Variants in EPHB6 observed in about 807,000 individuals in gnomAD.
The protein encoded by EPHB6 is EPH receptor B6.
Under a neutral mutation model 107.0 loss-of-function variants are expected in EPHB6, and 51 were observed. That is an observed-to-expected ratio of 0.48 (90% CI 0.38 to 0.60). The LOEUF (loss-of-function observed/expected upper bound fraction) is 0.60. Ranked by LOEUF, EPHB6 falls within the 20% of genes least tolerant of loss-of-function variation. EPHB6 has a pLI of 0.00. For synonymous variants in EPHB6, 553 were observed against 549.0 expected (o/e 1.01, Z -0.10); for missense variants, 1,141 against 1,355.5 (o/e 0.84, Z 2.48).
At position 142,868,582 on chromosome 7, in the gene EPHB6, C is replaced by T. The variant is rs758327970; in HGVS notation, c.2129C>T (p.Ala710Val). 5 of 1,613,410 alleles carry T rather than the reference C, an allele frequency of 3.1e-6. No homozygotes were observed. The highest frequency in any genetic ancestry group is 4.2e-6 in the Non-Finnish European group (5 of 1,179,932). ...ATCCAGGCCCTGTGGGCCGGGGGCG[C>T]CGAAAGCCTGCAGATGACCTTCCTG... is the stretch of plus-strand genomic sequence containing the variant. Reference protein sequence around the residue: ...VAIQALWAGGAESLQMTFLGR... With the variant: ...VAIQALWAGGVESLQMTFLGR... Residue 710 changes from alanine to valine, a missense_variant, in exon 15 of 20, where the codon GCC becomes GTC. By Grantham distance (64) the Ala-to-Val change is moderately conservative. Transcript: ENST00000652003. The surrounding 1 kb of genome is among the most constrained non-coding windows in gnomAD (Gnocchi z 4.2).
chr7:142,856,133 G>A lies in EPHB6; in HGVS notation c.-432+748G>A, dbSNP rs960528829. On this transcript the variant is annotated intron_variant, in intron 1 of 19. Coordinates refer to ENST00000652003, the MANE Select transcript of EPHB6 (RefSeq NM_004445.6). ...AGCGCCCATGGAGCGGAGCTGCTGG[G>A]TCTGTTCCCAGTTAACCCAGGCCCT... Among the ~76,000 whole-genome samples the A allele has an allele frequency of 4.6e-5, 7 of 152,322 alleles. No homozygotes were observed. The South Asian group carries it at 1.2e-3, about 27-fold the overall frequency.
At chr7:142,865,359 G>A in intron 7 of EPHB6, 116 bp from the exon 8 acceptor site, 1 of 1,372,804 alleles carries the variant, frequency 7.3e-7, no homozygotes, top group South Asian at 1.2e-5. Flanking sequence ...TGGAAGAAAA[G>A]GAGAACCAGC....
chr7:142,856,864 T>A (rs8177112), intron 1 of EPHB6, among the ~76,000 whole-genome samples: 7,720 of 152,242 alleles, frequency 0.051, 664 homozygotes, highest in African/African-American at 0.17. Context: ...AGCCCCCATC[T>A]ACACAGACAG....
chr7:142,864,850 G>T (rs1295480343), intron 7 of EPHB6, 101 bp downstream of exon 7: 24 of 1,447,732 alleles, frequency 1.7e-5, no homozygotes, highest in Non-Finnish European at 2.1e-5. Flanking sequence ...TCTGCAAAAG[G>T]TCAGGAATAA....
chr7:142,867,700 G>A lies in EPHB6; in HGVS notation c.1843G>A (p.Val615Met), dbSNP rs759817671. The change falls in exon 12 of 20, where the codon GTG becomes ATG. Residue 615 changes from valine to methionine, a missense_variant. Physicochemically the swap from Val to Met is conservative, Grantham distance 21. Coordinates refer to ENST00000652003, the MANE Select transcript of EPHB6 (RefSeq NM_004445.6). This position sits in a 1 kb window ranked among gnomAD's most constrained non-coding sequence, Gnocchi z 5.3. The stretch of plus-strand genomic sequence containing the variant: ...CTTCCTCCTGCTGGCAGCCATCACC[G>A]TGCTGGCGGTCGTCTTCCAGCGGTG... ...LAFLLLAAIT[V>M]LAVVFQRKRR... 61 of 1,612,526 alleles carry A rather than the reference G, an allele frequency of 3.8e-5. 2 individuals are homozygous for A. The South Asian group carries it at 5.7e-4, about 15-fold the overall frequency.
At chr7:142,859,531 A>G (rs1311680517) in intron 1 of EPHB6, among the ~76,000 whole-genome samples, 1 of 152,230 alleles carries the variant, frequency 6.6e-6, no homozygotes, top group Non-Finnish European at 1.5e-5. Context: ...GTACACCCAT[A>G]TTCTTTTTAT....
chr7:142,856,734 G>A (rs1802627199), intron 1 of EPHB6, among the ~76,000 whole-genome samples: 1 of 152,064 alleles, frequency 6.6e-6, no homozygotes, highest in Admixed American at 6.5e-5. Flanking sequence ...TACCTCCTGG[G>A]GCCAAGAGCA....
At position 142,868,092 on chromosome 7, in the gene EPHB6, G is replaced by A. The variant is rs1032723410; in HGVS notation, c.1918+43G>A. 2.5e-6 allele frequency: 4 copies of A among 1,613,246 alleles called. No homozygotes were observed. In the African/African-American group the frequency reaches 5.3e-5, roughly 22 times the overall value. On this transcript the variant is annotated intron_variant, in intron 13 of 19. Coordinates refer to ENST00000652003, the MANE Select transcript of EPHB6 (RefSeq NM_004445.6). This position sits in a 1 kb window ranked among gnomAD's most constrained non-coding sequence, Gnocchi z 4.2. ...AAATGGGTGGGGCTGGGGAACACAT[G>A]GGTGGGGCACATGGCAGGCAAGGCT...
chr7:142,870,029 A>G (rs1794821972), intron 17 of EPHB6, 63 bp downstream of exon 17: 8 of 1,611,688 alleles, frequency 5.0e-6, no homozygotes, highest in African/African-American at 1.3e-5. Flanking sequence ...GGAACATTCT[A>G]GGACCTCCAT....
intron 5 of EPHB6, 36 bp from the exon 6 acceptor site, chr7:142,863,595 G>C: frequency 6.2e-7 from 1 of 1,608,946 alleles, no homozygotes; most frequent in Non-Finnish European, 8.5e-7. Flanking sequence ...CTGGCTGGAG[G>C]CTTGGCCACT....
intron 8 of EPHB6, 142 bp from the exon 9 acceptor site, chr7:142,865,818 T>G (rs1195983601): frequency 1.2e-6 from 1 of 815,080 alleles, no homozygotes. Flanking sequence ...GCCCACATCC[T>G]GCCTCTCTGG....
rs763472954 is a variant in EPHB6, at chr7:142,870,910, A to G, written c.*6A>G. The stretch of plus-strand genomic sequence containing the variant: ...AGGGCTCAGTGGAGGTCTGAGAATG[A>G]CGATACCCGTGACTCAGCCCTGGAC... On this transcript the variant is annotated 3_prime_UTR_variant, in exon 20 of 20. Coordinates refer to ENST00000652003, the MANE Select transcript of EPHB6 (RefSeq NM_004445.6). 2.5e-6 allele frequency: 4 copies of G among 1,611,134 alleles called. No individual in the cohort carries two copies. Among genetic ancestry groups the G allele is most frequent in the South Asian group, 1.1e-5 (1 of 91,024 alleles).
chr7:142,867,676 T>G lies in EPHB6; in HGVS notation c.1819T>G (p.Phe607Val), dbSNP rs1288023085. Residue 607 changes from phenylalanine (F) to valine (V), a missense_variant, in exon 12 of 20, where the codon TTC becomes GTC. This residue lies in a region of EPHB6 where 616 missense variants were observed against 759.3 expected (regional missense o/e 0.81). Transcript: ENST00000652003. The surrounding 1 kb of genome is among the most constrained non-coding windows in gnomAD (Gnocchi z 5.3). ...CGGCTCCATCCTGGGGGCTTTGGCC[T>G]TCCTCCTGCTGGCAGCCATCACCGT... Reference protein sequence around the residue: ...VIGSILGALAFLLLAAITVLA... With the variant: ...VIGSILGALAVLLLAAITVLA... 3.1e-6 allele frequency: 5 copies of G among 1,613,562 alleles called. No individual in the cohort carries two copies. The highest frequency in any genetic ancestry group is 4.2e-6 in the Non-Finnish European group (5 of 1,179,936).
At position 142,870,903 on chromosome 7, in the gene EPHB6, G is replaced by C. The variant is rs1476900988; in HGVS notation, c.3068G>C (p.Ter1023SerextTer2). The C allele has an allele frequency of 6.2e-7, 1 of 1,612,278 alleles. No homozygotes were observed. Residue 1023 changes from the stop codon to serine, a stop_lost, in exon 20 of 20, where the codon TGA (stop) becomes TCA (serine). Transcript: ENST00000652003. Reference sequence around the variant, plus strand: ...AGGCAGCAGGGCTCAGTGGAGGTCTGAGAATGACGATACCCGTGACTCAGC... The same window carrying C: ...AGGCAGCAGGGCTCAGTGGAGGTCTCAGAATGACGATACCCGTGACTCAGC... ...HLRQQGSVEV[*>S]
chr7:142,869,941 C>T lies in EPHB6; in HGVS notation c.2585C>T (p.Pro862Leu). The change falls in exon 17 of 20, where the codon CCT becomes CTT. Residue 862 changes from proline (P) to leucine (L), a missense_variant. This residue lies in a region of EPHB6 where 616 missense variants were observed against 759.3 expected (regional missense o/e 0.81). Transcript: ENST00000652003. The surrounding 1 kb of genome is among the most constrained non-coding windows in gnomAD (Gnocchi z 4.5). ...GAAGTGATGAGTTATGGAGAACGGC[C>T]TTACTGGGACATGAGTGAGCAGGAG... ...MWEVMSYGER[P>L]YWDMSEQEVL... is the part of the protein sequence containing the mutation. 1.9e-6 allele frequency: 3 copies of T among 1,614,178 alleles called. No homozygotes were observed. The highest frequency in any genetic ancestry group is 2.5e-6 in the Non-Finnish European group (3 of 1,180,032).
intron 1 of EPHB6, among the ~76,000 whole-genome samples, chr7:142,857,697 TG>T (rs1802667906): frequency 1.3e-5 from 2 of 152,242 alleles, no homozygotes; most frequent in South Asian, 4.1e-4. Flanking sequence ...GGGCTCGGTT[TG>T]GGGCCATGCC....
intron 1 of EPHB6, among the ~76,000 whole-genome samples, chr7:142,860,511 T>G (rs567396952): frequency 6.6e-6 from 1 of 152,356 alleles, no homozygotes; most frequent in East Asian, 1.9e-4. Flanking sequence ...TTACAGAATT[T>G]AATAGCTATG....
At chr7:142,863,918 C>CTT in intron 6 of EPHB6, 48 bp from the exon 7 acceptor site, 2 of 1,613,614 alleles carry the variant, frequency 1.2e-6, no homozygotes, top group African/African-American at 2.7e-5. Flanking sequence ...TCTACCTCGC[C>CTT]GTGCTTAAGC....
intron 1 of EPHB6, among the ~76,000 whole-genome samples, chr7:142,860,324 T>G (rs1402075268): frequency 6.6e-6 from 1 of 152,226 alleles, no homozygotes; most frequent in Non-Finnish European, 1.5e-5. Flanking sequence ...TTTAAAAACC[T>G]GCTGCTGGCA....
Sources: allele counts gnomAD v4.1 joint callset (sites outside exome capture counted in the v4.1 genomes callset), GRCh38; gene constraint gnomAD v4.1.1; regional missense constraint gnomAD v4.1.1; non-coding constraint Gnocchi (gnomAD v3.1); transcripts MANE v1.5; gene names NCBI Gene and HGNC (gene_info 2026-07-23, HGNC 2026-07-21).